Variants in PITPNC1 observed in about 807,000 individuals in gnomAD.
The protein encoded by PITPNC1 is phosphatidylinositol transfer protein cytoplasmic 1.
A neutral mutation model predicts 44.7 loss-of-function variants in PITPNC1; 18 were observed. The ratio of observed to expected loss-of-function variants is 0.40; its 90% CI spans 0.28 to 0.60. The LOEUF is 0.60. PITPNC1 is among the 20% of genes least tolerant of loss of function. The pLI is 0.39. For synonymous variants in PITPNC1, 141 were observed against 149.6 expected (o/e 0.94, Z 0.42); for missense variants, 290 against 418.4 (o/e 0.69, Z 2.68).
chr17:67,548,439 A>C (rs1389492556), intron 2 of PITPNC1, among the ~76,000 whole-genome samples: 2 of 152,114 alleles, frequency 1.3e-5, no homozygotes, highest in Non-Finnish European at 2.9e-5. Context: ...AAAAATACAA[A>C]AATAAGCCTG....
In PITPNC1 at chr17:67,443,406, C is replaced by G. The variant is rs545815383; in HGVS notation, c.48+65204C>G. 2.0e-5 allele frequency among the ~76,000 whole-genome samples: 3 copies of G among 151,946 alleles called. No individual in the cohort carries two copies. The East Asian group carries it at 5.8e-4, about 29-fold the overall frequency. ...TTTTCCCATAGGAAATTGTTCGTTT[C>G]CACTCAATTCATATCTTGGTGGTTG... On this transcript the variant is annotated intron_variant, in intron 1 of 8. Transcript: ENST00000581322.
At chr17:67,439,178 A>G (rs979381529) in intron 1 of PITPNC1, among the ~76,000 whole-genome samples, 4 of 152,196 alleles carry the variant, frequency 2.6e-5, no homozygotes, top group African/African-American at 9.6e-5. Flanking sequence ...TACCTGGATG[A>G]TGTCAATTTC....
chr17:67,389,922 A>G (rs1418740900), intron 1 of PITPNC1, among the ~76,000 whole-genome samples: 1 of 151,958 alleles, frequency 6.6e-6, no homozygotes, highest in African/African-American at 2.4e-5. Flanking sequence ...CTCGTGATCC[A>G]CCCACCTCGG....
At chr17:67,572,797 G>C (rs956024821) in intron 4 of PITPNC1, among the ~76,000 whole-genome samples, 2 of 49,290 alleles carry the variant, frequency 4.1e-5, no homozygotes, top group South Asian at 4.6e-4. Flanking sequence ...TTCCAGGGAA[G>C]GGGGAGTGGA....
intron 5 of PITPNC1, among the ~76,000 whole-genome samples, chr17:67,623,175 C>G (rs1333755668): frequency 4.8e-5 from 7 of 146,092 alleles, no homozygotes; most frequent in Non-Finnish European, 1.1e-4. Context: ...GCTTCTCTGT[C>G]TCTTTAATCG....
intron 1 of PITPNC1, among the ~76,000 whole-genome samples, chr17:67,398,324 C>G (rs891728737): frequency 2.0e-5 from 3 of 152,118 alleles, no homozygotes; most frequent in Admixed American, 1.3e-4. Flanking sequence ...TCAGCGAACT[C>G]TTGGAAAGCA....
chr17:67,508,796 A>G lies in PITPNC1; in HGVS notation c.49-24006A>G, dbSNP rs529269074. Among the ~76,000 whole-genome samples, 1 of 152,268 alleles carries G rather than the reference A, an allele frequency of 6.6e-6. No homozygotes were observed. The highest frequency in any genetic ancestry group is 1.9e-4 in the East Asian group (1 of 5,178). ...GAGGGAAACGGGGAGCTGTTGTTTA[A>G]AGAGTGTAGAGTTTCAGTTTGTGGT... On this transcript the variant is annotated intron_variant, in intron 1 of 8. Coordinates refer to ENST00000581322, the MANE Select transcript of PITPNC1 (RefSeq NM_012417.4). The surrounding 1 kb of genome is among the most constrained non-coding windows in gnomAD (Gnocchi z 4.2).
chr17:67,546,750 G>A (rs1273820805), intron 2 of PITPNC1, among the ~76,000 whole-genome samples: 1 of 152,134 alleles, frequency 6.6e-6, no homozygotes, highest in East Asian at 1.9e-4. Context: ...CAAGTTCAAG[G>A]AACTTGGTTT....
At chr17:67,445,788 A>C (rs1344159721) in intron 1 of PITPNC1, among the ~76,000 whole-genome samples, 1 of 152,058 alleles carries the variant, frequency 6.6e-6, no homozygotes, top group Non-Finnish European at 1.5e-5. Flanking sequence ...TGCTGAGAGA[A>C]TTAGCGGCAA....
At chr17:67,648,454 A>G (rs543173847) in intron 6 of PITPNC1, among the ~76,000 whole-genome samples, 124 of 152,324 alleles carry the variant, frequency 8.1e-4, no homozygotes, top group African/African-American at 2.7e-3. Context: ...TCACTGTCTC[A>G]TGTATTAAGG....
intron 1 of PITPNC1, among the ~76,000 whole-genome samples, chr17:67,498,712 T>C (rs11872065): frequency 0.11 from 16,834 of 152,240 alleles, 1,123 homozygotes; most frequent in Middle Eastern, 0.2. Flanking sequence ...CACTTGTTAT[T>C]TTCTGTTATT....
At chr17:67,433,604 G>C (rs1210070235) in intron 1 of PITPNC1, among the ~76,000 whole-genome samples, 1 of 152,150 alleles carries the variant, frequency 6.6e-6, no homozygotes, top group Admixed American at 6.5e-5. Context: ...CCAGCTACTC[G>C]GGAGGCTGAG....
intron 1 of PITPNC1, among the ~76,000 whole-genome samples, chr17:67,532,590 A>T (rs892919033): frequency 6.6e-6 from 1 of 152,104 alleles, no homozygotes; most frequent in East Asian, 1.9e-4. Context: ...AGGTGATGTA[A>T]AATATTCACG....
At chr17:67,478,840 A>C (rs2039665707) in intron 1 of PITPNC1, among the ~76,000 whole-genome samples, 1 of 151,984 alleles carries the variant, frequency 6.6e-6, no homozygotes, top group African/African-American at 2.4e-5. Flanking sequence ...CTCTGAATTC[A>C]GAGGTTTTGA....
At chr17:67,499,961 G>A (rs940283719) in intron 1 of PITPNC1, among the ~76,000 whole-genome samples, 6 of 152,192 alleles carry the variant, frequency 3.9e-5, no homozygotes, top group Non-Finnish European at 7.3e-5. Flanking sequence ...AGCCTCCATC[G>A]TTTTAAATAA....
intron 1 of PITPNC1, among the ~76,000 whole-genome samples, chr17:67,527,751 T>C (rs2040409293): frequency 1.3e-5 from 2 of 152,062 alleles, no homozygotes; most frequent in Non-Finnish European, 2.9e-5. Flanking sequence ...ACGCCTGTAA[T>C]CCCAGCACTT....
chr17:67,575,347 T>C (rs926615375), intron 4 of PITPNC1, among the ~76,000 whole-genome samples: 1 of 152,110 alleles, frequency 6.6e-6, no homozygotes, highest in African/African-American at 2.4e-5. Flanking sequence ...GCAGCGGTTA[T>C]GGAGTGAGAA....
intron 1 of PITPNC1, among the ~76,000 whole-genome samples, chr17:67,404,075 A>G (rs929758258): frequency 3.3e-5 from 5 of 152,082 alleles, no homozygotes; most frequent in African/African-American, 1.2e-4. Flanking sequence ...CATTCCAACA[A>G]CACCTTTGTT....
At chr17:67,386,252 C>T (rs1423026788) in intron 1 of PITPNC1, among the ~76,000 whole-genome samples, 4 of 152,172 alleles carry the variant, frequency 2.6e-5, no homozygotes, top group Admixed American at 6.5e-5. Flanking sequence ...AGTGCAGTGG[C>T]GCTATCGCGG....
Sources: allele counts gnomAD v4.1 joint callset (sites outside exome capture counted in the v4.1 genomes callset), GRCh38; gene constraint gnomAD v4.1.1; non-coding constraint Gnocchi (gnomAD v3.1); transcripts MANE v1.5; gene names NCBI Gene and HGNC (gene_info 2026-07-23, HGNC 2026-07-21).